Variants in WWOX observed in about 807,000 individuals in gnomAD.
WWOX encodes WW domain-containing oxidoreductase.
In WWOX, 69 loss-of-function variants were observed where a neutral mutation model predicts 46.2. That is an observed-to-expected ratio of 1.49 (90% CI 1.23 to 1.82). The LOEUF is 1.82. Among genes scored for constraint, WWOX ranks in the 40% most tolerant of loss-of-function variants. The pLI is 0.00. For synonymous variants in WWOX, 359 were observed against 202.6 expected (o/e 1.77, Z -6.56); for missense variants, 919 against 542.6 (o/e 1.69, Z -6.89).
chr16:78,867,767 A>G (rs1440314955), intron 8 of WWOX, among the ~76,000 whole-genome samples: 1 of 152,084 alleles, frequency 6.6e-6, no homozygotes, highest in Admixed American at 6.6e-5. Context: ...TTGTGGAACT[A>G]ATTTTTATAC....
intron 8 of WWOX, among the ~76,000 whole-genome samples, chr16:79,199,805 C>T (rs2051311756): frequency 6.6e-6 from 1 of 152,178 alleles, no homozygotes; most frequent in African/African-American, 2.4e-5. Flanking sequence ...TCCTCGCTGA[C>T]ACCTCCCTGA....
chr16:79,007,719 A>ATAGC (rs1302415040), intron 8 of WWOX, among the ~76,000 whole-genome samples: 2 of 152,238 alleles, frequency 1.3e-5, no homozygotes, highest in African/African-American at 2.4e-5. Context: ...CCGGTATCAT[A>ATAGC]TAGCTGCTTA....
chr16:78,497,987 G>T (rs1004815160), intron 8 of WWOX, among the ~76,000 whole-genome samples: 2 of 152,068 alleles, frequency 1.3e-5, no homozygotes, highest in Non-Finnish European at 2.9e-5. Context: ...CGGATCACAA[G>T]ATCGGGAGAT....
intron 5 of WWOX, among the ~76,000 whole-genome samples, chr16:78,275,438 T>C (rs1003757248): frequency 1.3e-5 from 2 of 152,236 alleles, no homozygotes; most frequent in African/African-American, 4.8e-5. Flanking sequence ...AAATTGACAT[T>C]ACCTGGCTGG....
chr16:78,854,211 G>C (rs973360134), intron 8 of WWOX, among the ~76,000 whole-genome samples: 3 of 151,890 alleles, frequency 2.0e-5, no homozygotes, highest in Non-Finnish European at 4.4e-5. Context: ...TAACTACTCA[G>C]GTTGCTTATA....
intron 8 of WWOX, among the ~76,000 whole-genome samples, chr16:78,561,866 T>C (rs1028880740): frequency 2.0e-5 from 3 of 152,176 alleles, no homozygotes; most frequent in Non-Finnish European, 4.4e-5. Context: ...TTGAAAATAG[T>C]TGGTCTCTTG....
intron 5 of WWOX, among the ~76,000 whole-genome samples, chr16:78,380,431 C>G (rs1193290177): frequency 1.3e-5 from 2 of 152,134 alleles, no homozygotes. Flanking sequence ...GGATAAATAA[C>G]TGCTGTGGGG....
At chr16:79,071,611 C>G (rs1311655363) in intron 8 of WWOX, among the ~76,000 whole-genome samples, 3 of 152,246 alleles carry the variant, frequency 2.0e-5, no homozygotes, top group African/African-American at 7.2e-5. Flanking sequence ...CCATTACACG[C>G]TCAGGCTTGT....
chr16:78,277,466 C>T (rs1597436936), intron 5 of WWOX, among the ~76,000 whole-genome samples: 1 of 151,678 alleles, frequency 6.6e-6, no homozygotes, highest in Admixed American at 6.6e-5. Context: ...ATTTGGAGCT[C>T]ATACCGACAT....
intron 8 of WWOX, among the ~76,000 whole-genome samples, chr16:78,957,757 G>A (rs1454642665): frequency 3.3e-5 from 5 of 152,180 alleles, no homozygotes; most frequent in African/African-American, 1.2e-4. Flanking sequence ...CCATAGGAAC[G>A]GAGACCTTAA....
chr16:78,497,267 T>C (rs138555327), intron 8 of WWOX, among the ~76,000 whole-genome samples: 114 of 152,340 alleles, frequency 7.5e-4, no homozygotes, highest in African/African-American at 2.3e-3. Flanking sequence ...TCCTCCAATT[T>C]TATTCAGAAT....
At chr16:78,403,500 G>T (rs1243298582) in intron 6 of WWOX, among the ~76,000 whole-genome samples, 1 of 152,168 alleles carries the variant, frequency 6.6e-6, no homozygotes, top group Non-Finnish European at 1.5e-5. Context: ...ATGTTAATTT[G>T]TAGCAATGCT....
At chr16:78,541,256 C>T (rs1466032860) in intron 8 of WWOX, among the ~76,000 whole-genome samples, 2 of 151,640 alleles carry the variant, frequency 1.3e-5, no homozygotes, top group African/African-American at 2.4e-5. Flanking sequence ...GGGCGGATCA[C>T]GAGGTCAGGA....
At chr16:78,856,283 G>A (rs1361858772) in intron 8 of WWOX, among the ~76,000 whole-genome samples, 3 of 152,236 alleles carry the variant, frequency 2.0e-5, no homozygotes, top group Non-Finnish European at 2.9e-5. Context: ...TTGTAGGCAA[G>A]TAGGGGCACC....
intron 6 of WWOX, among the ~76,000 whole-genome samples, chr16:78,406,310 ATATATATAT>A (rs2082535574): frequency 7.2e-4 from 24 of 33,454 alleles, no homozygotes; most frequent in African/African-American, 4.9e-3. Context: ...ATAAATATAT[ATATATATAT>A]ATATATATAT....
chr16:78,584,819 TA>T (rs1336828172), intron 8 of WWOX, among the ~76,000 whole-genome samples: 2 of 152,360 alleles, frequency 1.3e-5, no homozygotes, highest in Non-Finnish European at 2.9e-5. Context: ...TGTGCACGTG[TA>T]AAAGTTCAAG....
chr16:78,596,543 G>T (rs1034979027), intron 8 of WWOX, among the ~76,000 whole-genome samples: 1 of 152,118 alleles, frequency 6.6e-6, no homozygotes, highest in Admixed American at 6.5e-5. Context: ...TGTGCAAGAT[G>T]GGGTGTTCCA....
chr16:78,905,450 T>C (rs540633194), intron 8 of WWOX, among the ~76,000 whole-genome samples: 2 of 152,356 alleles, frequency 1.3e-5, no homozygotes, highest in East Asian at 3.9e-4. Context: ...GGCCCAATCA[T>C]GGCTTACTGC....
chr16:78,945,519 T>C (rs2045931696), intron 8 of WWOX, among the ~76,000 whole-genome samples: 1 of 152,210 alleles, frequency 6.6e-6, no homozygotes, highest in Non-Finnish European at 1.5e-5. Flanking sequence ...TCTCTTCTGT[T>C]ACTGTTTATA....
Sources: gnomAD v4.1 joint callset for allele counts (sites outside exome capture counted in the v4.1 genomes callset) on GRCh38, gnomAD v4.1.1 for gene constraint, MANE v1.5 for transcripts, NCBI Gene and HGNC (gene_info 2026-07-23, HGNC 2026-07-21) for gene names.